KIF19: variants seen among roughly 807,000 people sequenced by gnomAD.
KIF19 encodes kinesin-like protein KIF19.
Under a neutral mutation model 106.6 loss-of-function variants are expected in KIF19, and 98 were observed. The observed-to-expected ratio is 0.92, with a 90% CI of 0.78 to 1.09. The LOEUF (loss-of-function observed/expected upper bound fraction) is 1.09. KIF19 is among the 50% of genes least tolerant of loss of function. The probability of loss-of-function intolerance (pLI) is 0.00; values close to 1 mark genes in which losing one functional copy is unlikely to be tolerated. For missense variants in KIF19, 1,373 were observed against 1,414.3 expected, an observed-to-expected ratio of 0.97 and a Z score of 0.47; for synonymous variants, 516 against 584.2, an observed-to-expected ratio of 0.88 and a Z score of 1.68.
intron 2 of KIF19, among the ~76,000 whole-genome samples, chr17:74,336,024 G>A (rs561034107): frequency 6.6e-6 from 1 of 152,330 alleles, no homozygotes; most frequent in South Asian, 2.1e-4. Flanking sequence ...CAATCAACAT[G>A]GCAGCAGGGA....
At chr17:74,349,089 G>A in intron 9 of KIF19, 95 bp from the exon 10 acceptor site, 1 of 1,285,842 alleles carries the variant, frequency 7.8e-7, no homozygotes, top group Non-Finnish European at 1.1e-6. Context: ...CAGAAAGACT[G>A]GGGGAGGCAG....
rs777816092 is a variant in KIF19, at chr17:74,350,548, C to A, written c.1361C>A (p.Thr454Asn). The A allele has an allele frequency of 1.1e-5, 17 of 1,612,836 alleles. No individual in the cohort carries two copies. Among genetic ancestry groups the A allele is most frequent in the Non-Finnish European group, 1.4e-5 (17 of 1,179,852 alleles). Reference protein sequence around the residue: ...ENRAMEVQIDTSRHLLTIAGW... With the variant: ...ENRAMEVQIDNSRHLLTIAGW... ...CGCGCCATGGAGGTCCAGATTGACA[C>A]CTCCCGACACCTGCTCACCATCGCC... The change falls in exon 11 of 20, where the codon ACC becomes AAC. Residue 454 changes from threonine (T) to asparagine (N), a missense_variant. Physicochemically the swap from Thr to Asn is moderately conservative, Grantham distance 65 (BLOSUM62 0). This residue lies in a region of KIF19 where 1,020 missense variants were observed against 1,008.2 expected (regional missense o/e 1.01). Coordinates refer to ENST00000389916, the MANE Select transcript of KIF19 (RefSeq NM_153209.4).
rs2144187751 is a variant in KIF19, at chr17:74,328,744, C to T, written c.120+239C>T. 6.8e-6 allele frequency: 3 copies of T among 441,740 alleles called. No homozygotes were observed. In the East Asian group the frequency reaches 1.3e-4, roughly 19 times the overall value. 27.4% of individuals were successfully genotyped at this position (441,740 alleles called of 1,614,324 possible). ...TTCCCTAGCCTGGGTGGGCCCTGATCCTTTACCTTTCACATGCTCATTGCT... is the reference window on the plus strand; with the variant it reads ...TTCCCTAGCCTGGGTGGGCCCTGATTCTTTACCTTTCACATGCTCATTGCT... On this transcript the variant is annotated intron_variant, in intron 2 of 19. Transcript: ENST00000389916.
At chr17:74,348,902 A>T (rs969112419) in intron 9 of KIF19, 5 of 468,298 alleles carry the variant, frequency 1.1e-5, no homozygotes, top group African/African-American at 1.0e-4. Flanking sequence ...TGGGATGTTC[A>T]TGCAGGAGCG....
Position 74,352,778 on chromosome 17 carries a change from G to A in KIF19, c.1981-43G>A, listed in dbSNP as rs779317594. On this transcript the variant is annotated intron_variant, in intron 14 of 19. Coordinates refer to ENST00000389916, the MANE Select transcript of KIF19 (RefSeq NM_153209.4). The stretch of plus-strand genomic sequence containing the variant: ...GTGACTCTGTGCTGATTTGGTCCAG[G>A]ACCAAATCTTCTAACTGTCCACCCT... 1.3e-5 allele frequency: 21 copies of A among 1,612,634 alleles called. No homozygotes were observed. The African/African-American group carries it at 2.5e-4, about 19-fold the overall frequency.
chr17:74,327,916 G>C (rs2144183666), intron 1 of KIF19, among the ~76,000 whole-genome samples: 1 of 152,334 alleles, frequency 6.6e-6, no homozygotes, highest in East Asian at 1.9e-4. Context: ...ATTTCACACT[G>C]GCTGGAGGAC....
At chr17:74,332,216 G>GTGTGTGTGTGTGTT (rs2054111812) in intron 2 of KIF19, among the ~76,000 whole-genome samples, 2 of 54,370 alleles carry the variant, frequency 3.7e-5, no homozygotes, top group Non-Finnish European at 1.2e-4. Context: ...GTGTTTGTGT[G>GTGTGTGTGTGTGTT]TGTGTGTGTG....
chr17:74,347,373 C>T (rs536957886), intron 8 of KIF19, among the ~76,000 whole-genome samples: 1 of 152,194 alleles, frequency 6.6e-6, no homozygotes, highest in South Asian at 2.1e-4. Flanking sequence ...CCCATCTCTA[C>T]TAAAAATACA....
chr17:74,326,452 G>A lies in KIF19; in HGVS notation c.39+64G>A, dbSNP rs573171434. 4 of 1,521,014 alleles carry A rather than the reference G, an allele frequency of 2.6e-6. No homozygotes were observed. In the African/African-American group the frequency reaches 4.1e-5, roughly 16 times the overall value. 94.2% of individuals were successfully genotyped at this position (1,521,014 alleles called of 1,614,324 possible). Reference sequence around the variant, plus strand: ...TGGTCTACTTCAGTCGGCCTCCAGCGACAGAGTCCTGTCCCCTCGCCGCCA... The same window carrying A: ...TGGTCTACTTCAGTCGGCCTCCAGCAACAGAGTCCTGTCCCCTCGCCGCCA... On this transcript the variant is annotated intron_variant, in intron 1 of 19. Coordinates refer to ENST00000389916, the MANE Select transcript of KIF19 (RefSeq NM_153209.4).
intron 19 of KIF19, 22 bp downstream of exon 19, chr17:74,354,963 A>G (rs1185736061): frequency 6.3e-7 from 1 of 1,574,860 alleles, no homozygotes; most frequent in Non-Finnish European, 8.6e-7. Flanking sequence ...CAAGGAGGGG[A>G]TGGGGAGGGG....
Position 74,354,357 on chromosome 17 carries a change from C to T in KIF19, c.2504C>T (p.Pro835Leu). 2 of 1,607,076 alleles carry T rather than the reference C, an allele frequency of 1.2e-6. No individual in the cohort carries two copies. Among genetic ancestry groups the T allele is most frequent in the Non-Finnish European group, 8.5e-7 (1 of 1,177,490 alleles). Residue 835 changes from proline (P) to leucine (L), a missense_variant, in exon 18 of 20, where the codon CCC (proline) becomes CTC (leucine). By Grantham distance (98) the Pro-to-Leu change is moderately conservative (BLOSUM62 -3). Transcript: ENST00000389916. ...CTGGCCTGCAAGCGGCCGCCCAGCC[C>T]CACACTACAGCATGCTGCCAGTGAG... ...GPLACKRPPS[P>L]TLQHAASEDN...
At chr17:74,345,188 T>C (rs542257735) in intron 7 of KIF19, among the ~76,000 whole-genome samples, 12 of 151,680 alleles carry the variant, frequency 7.9e-5, no homozygotes, top group African/African-American at 2.9e-4. Flanking sequence ...TGAGGAACGT[T>C]CCAGAGGAGC....
intron 9 of KIF19, 114 bp from the exon 10 acceptor site, chr17:74,349,070 A>T: frequency 2.0e-6 from 2 of 1,015,612 alleles, no homozygotes; most frequent in Non-Finnish European, 3.0e-6. Context: ...GGAGGCCATT[A>T]CTGTCACCCA....
chr17:74,327,832 C>T (rs1240278467), intron 1 of KIF19, among the ~76,000 whole-genome samples: 4 of 152,226 alleles, frequency 2.6e-5, no homozygotes, highest in African/African-American at 2.4e-5. Flanking sequence ...GCAGCTGTTG[C>T]CCTTTGATCA....
intron 2 of KIF19, among the ~76,000 whole-genome samples, chr17:74,329,652 A>T (rs1226238847): frequency 6.6e-6 from 1 of 151,794 alleles, no homozygotes; most frequent in East Asian, 1.9e-4. Flanking sequence ...CAGGAGAGTA[A>T]GGGGCAAGAG....
intron 3 of KIF19, 62 bp downstream of exon 3, chr17:74,342,048 G>C: frequency 7.8e-7 from 1 of 1,287,100 alleles, no homozygotes; most frequent in South Asian, 1.2e-5. Context: ...GCCCCACTCA[G>C]GAGGGGCCCT....
intron 3 of KIF19, 128 bp downstream of exon 3, chr17:74,342,114 C>T (rs1052864917): frequency 2.9e-6 from 2 of 681,532 alleles, no homozygotes. Flanking sequence ...CCCTCTGTTC[C>T]TTGAGCCTTC....
rs1289205488 is a variant in KIF19 at position 74,346,978 on chromosome 17, A to G, written c.924+454A>G. Among the ~76,000 whole-genome samples the G allele has an allele frequency of 2.6e-5, 4 of 152,264 alleles. No individual in the cohort carries two copies. The East Asian group carries it at 7.7e-4, about 29-fold the overall frequency. ...TCCTGGCTGGTCTCTTGAATTCAGT[A>G]CTTCACTCTATTAGCTCCTTAGATC... On this transcript the variant is annotated intron_variant, in intron 8 of 19. Coordinates refer to ENST00000389916, the MANE Select transcript of KIF19 (RefSeq NM_153209.4). This position sits in a 1 kb window ranked among gnomAD's most constrained non-coding sequence, Gnocchi z 4.6.
intron 8 of KIF19, among the ~76,000 whole-genome samples, chr17:74,347,190 C>A (rs1360076362): frequency 6.6e-6 from 1 of 152,202 alleles, no homozygotes; most frequent in Non-Finnish European, 1.5e-5. Flanking sequence ...GCCGTCATGA[C>A]TGCACCTAGA....
Sources: gnomAD v4.1 joint callset for allele counts (sites outside exome capture counted in the v4.1 genomes callset) on GRCh38, gnomAD v4.1.1 for gene constraint, gnomAD v4.1.1 regional missense constraint, Gnocchi (gnomAD v3.1) non-coding constraint, MANE v1.5 for transcripts, NCBI Gene and HGNC (gene_info 2026-07-23, HGNC 2026-07-21) for gene names.